Variants in AGBL4 observed in about 807,000 individuals in gnomAD.
The protein encoded by AGBL4 is cytosolic carboxypeptidase 6.
AGBL4 carries 58 observed loss-of-function variants against 66.4 expected under a neutral mutation model. That is an observed-to-expected ratio of 0.87 (90% CI 0.71 to 1.09). The LOEUF (loss-of-function observed/expected upper bound fraction) is 1.09, where lower values mean the gene tolerates loss of function less well. Among genes scored for constraint, AGBL4 ranks in the 50% least tolerant of loss-of-function variants. AGBL4 has a pLI of 0.00. For missense variants in AGBL4, 579 were observed against 631.0 expected (o/e 0.92, Z 0.88); for synonymous variants, 234 against 222.9 (o/e 1.05, Z -0.44).
rs1646300929 is a variant in AGBL4 at position 49,851,412 on chromosome 1, A to G, written c.141T>C (p.Asp47=). 1 of 1,549,460 alleles carries G rather than the reference A, an allele frequency of 6.5e-7. No individual in the cohort carries two copies. The highest frequency in any genetic ancestry group is 8.7e-7 in the Non-Finnish European group (1 of 1,145,864). Residue 47 remains aspartate (D), a synonymous_variant, in exon 2 of 14, where the codon GAT becomes GAC. Transcript: ENST00000371839. ...TATACTTACCACTTTCAAAGCAAGCATCAAAGATAAGATGTCCTTTCTTGG... is the reference window on the plus strand; with the variant it reads ...TATACTTACCACTTTCAAAGCAAGCGTCAAAGATAAGATGTCCTTTCTTGG... ...GQPKKGHLIF[D]ACFESGNLGR... is the part of the protein sequence containing the mutation.
intron 4 of AGBL4, among the ~76,000 whole-genome samples, chr1:49,188,144 G>T (rs546764321): frequency 6.6e-6 from 1 of 152,080 alleles, no homozygotes; most frequent in South Asian, 2.1e-4. Flanking sequence ...TTTGTAAATT[G>T]CCCAGTCTCA....
chr1:49,179,962 C>T (rs944336872), intron 4 of AGBL4, among the ~76,000 whole-genome samples: 10 of 151,830 alleles, frequency 6.6e-5, no homozygotes, highest in Non-Finnish European at 8.8e-5. Flanking sequence ...AGTGCAATGG[C>T]GCGATCTCGG....
intron 4 of AGBL4, among the ~76,000 whole-genome samples, chr1:49,067,928 C>T (rs1644521704): frequency 6.6e-6 from 1 of 151,016 alleles, no homozygotes; most frequent in African/African-American, 2.4e-5. Context: ...CCCGACAGGC[C>T]CCAGTGTGTG....
intron 2 of AGBL4, among the ~76,000 whole-genome samples, chr1:49,759,843 G>A (rs1035855429): frequency 2.6e-5 from 4 of 152,214 alleles, no homozygotes; most frequent in African/African-American, 4.8e-5. Flanking sequence ...CAGGCTGAGT[G>A]AAAGAAGCCA....
intron 1 of AGBL4, among the ~76,000 whole-genome samples, chr1:49,939,388 T>C (rs1654490865): frequency 6.6e-6 from 1 of 152,214 alleles, no homozygotes; most frequent in African/African-American, 2.4e-5. Context: ...CGAGCCCACA[T>C]TGCCAAGCCA....
At chr1:48,696,387 C>A (rs1467562157) in intron 6 of AGBL4, among the ~76,000 whole-genome samples, 1 of 152,152 alleles carries the variant, frequency 6.6e-6, no homozygotes, top group East Asian at 1.9e-4. Flanking sequence ...GGCTCTAGGA[C>A]CTGGAAGGAT....
Position 49,427,581 on chromosome 1 carries a change from C to A in AGBL4, c.283-181717G>T, listed in dbSNP as rs141514365. Reference sequence around the variant, plus strand: ...TCCAGAGTTTGTTCCTTCAGATGTTCAGATGTGTCCGGAGTTTCTTCCTTC... The same window carrying A: ...TCCAGAGTTTGTTCCTTCAGATGTTAAGATGTGTCCGGAGTTTCTTCCTTC... On this transcript the variant is annotated intron_variant, in intron 3 of 13. Transcript: ENST00000371839. 5.8e-3 allele frequency among the ~76,000 whole-genome samples: 878 copies of A among 152,104 alleles called. 11 individuals are homozygous for A. Among genetic ancestry groups the A allele is most frequent in the Non-Finnish European group, 7.3e-3 (495 of 67,994 alleles).
intron 9 of AGBL4, among the ~76,000 whole-genome samples, chr1:48,612,109 G>A (rs896996360): frequency 5.3e-5 from 8 of 152,248 alleles, no homozygotes; most frequent in African/African-American, 1.9e-4. Flanking sequence ...TGCGGCCAGG[G>A]GCCTGCTGCC....
At chr1:48,713,238 A>G (rs1646995114) in intron 6 of AGBL4, among the ~76,000 whole-genome samples, 1 of 152,194 alleles carries the variant, frequency 6.6e-6, no homozygotes, top group African/African-American at 2.4e-5. Context: ...ACAGTGATCA[A>G]CCTGGACTCA....
chr1:49,342,086 C>T (rs1308847614), intron 3 of AGBL4, among the ~76,000 whole-genome samples: 1 of 152,014 alleles, frequency 6.6e-6, no homozygotes, highest in African/African-American at 2.4e-5. Flanking sequence ...CAGGTCATAC[C>T]CCTTCCCTGG....
At chr1:49,427,069 T>C (rs1645677134) in intron 3 of AGBL4, among the ~76,000 whole-genome samples, 1 of 152,134 alleles carries the variant, frequency 6.6e-6, no homozygotes. Flanking sequence ...GTGAGGCATT[T>C]ATTTTTTGAA....
intron 3 of AGBL4, among the ~76,000 whole-genome samples, chr1:49,510,525 T>C (rs1649125326): frequency 6.6e-6 from 1 of 150,504 alleles, no homozygotes; most frequent in African/African-American, 2.4e-5. Flanking sequence ...TTCTCCCATG[T>C]TGTAGGTTGC....
At chr1:49,124,306 G>T (rs1387511890) in intron 4 of AGBL4, among the ~76,000 whole-genome samples, 2 of 152,138 alleles carry the variant, frequency 1.3e-5, no homozygotes, top group African/African-American at 2.4e-5. Context: ...GCAGAATGAA[G>T]AACAGAAAGG....
intron 1 of AGBL4, among the ~76,000 whole-genome samples, chr1:49,937,826 G>T (rs1654255942): frequency 6.6e-6 from 1 of 152,028 alleles, no homozygotes. Flanking sequence ...GAATGTCTGG[G>T]ACACATTCAA....
intron 3 of AGBL4, among the ~76,000 whole-genome samples, chr1:49,392,854 A>AT (rs1644879867): frequency 6.6e-6 from 1 of 152,204 alleles, no homozygotes; most frequent in South Asian, 2.1e-4. Flanking sequence ...AGAAGTTTCC[A>AT]TGTTTTTCAT....
chr1:48,777,580 C>T (rs1403127618), intron 6 of AGBL4, among the ~76,000 whole-genome samples: 1 of 152,068 alleles, frequency 6.6e-6, no homozygotes, highest in East Asian at 1.9e-4. Context: ...GAAAATTTCC[C>T]CTAGAGCTGC....
intron 3 of AGBL4, among the ~76,000 whole-genome samples, chr1:49,526,236 T>G (rs996868482): frequency 2.6e-5 from 4 of 152,072 alleles, no homozygotes; most frequent in Non-Finnish European, 2.9e-5. Context: ...TAAATAACCC[T>G]ATCTTACTGA....
At chr1:48,828,762 T>G (rs1403306415) in intron 6 of AGBL4, among the ~76,000 whole-genome samples, 2 of 152,230 alleles carry the variant, frequency 1.3e-5, no homozygotes, top group African/African-American at 4.8e-5. Context: ...TAGCTCTAGT[T>G]ATAACTCAAC....
At chr1:48,944,647 C>T (rs1656305149) in intron 5 of AGBL4, among the ~76,000 whole-genome samples, 1 of 152,140 alleles carries the variant, frequency 6.6e-6, no homozygotes, top group African/African-American at 2.4e-5. Flanking sequence ...AACACACTGC[C>T]CCTTCCTCAG....
Sources: allele counts gnomAD v4.1 joint callset (sites outside exome capture counted in the v4.1 genomes callset), GRCh38; gene constraint gnomAD v4.1.1; transcripts MANE v1.5; gene names NCBI Gene and HGNC (gene_info 2026-07-23, HGNC 2026-07-21).